The following ITGBL1 variants were observed in gnomAD, a reference collection of about 807,000 sequenced individuals.
ITGBL1 encodes integrin subunit beta like 1.
In ITGBL1, 51 loss-of-function variants were observed where a neutral mutation model predicts 68.5. The observed-to-expected ratio is 0.74, with a 90% CI of 0.59 to 0.94. The LOEUF is 0.94. ITGBL1 is among the 40% of genes least tolerant of loss of function. The probability of loss-of-function intolerance (pLI) is 0.00; values close to 1 mark genes in which losing one functional copy is unlikely to be tolerated. For synonymous variants in ITGBL1, 209 were observed against 227.3 expected, an observed-to-expected ratio of 0.92 and a Z score of 0.72; for missense variants, 649 against 647.4, an observed-to-expected ratio of 1.00 and a Z score of -0.03.
downstream of ITGBL1, chr13:101,717,357 A>G (rs9645866): frequency 1.3e-5 from 2 of 152,014 alleles, no homozygotes; most frequent in Non-Finnish European, 2.9e-5. Context: ...TTGTAGTTCT[A>G]TTATTGAGTA....
chr13:101,489,211 T>C (rs1462259363), intron 2 of ITGBL1, among the ~76,000 whole-genome samples: 1 of 152,154 alleles, frequency 6.6e-6, no homozygotes, highest in Non-Finnish European at 1.5e-5. Flanking sequence ...GTTACCGAAA[T>C]TGTACACAGA....
chr13:101,461,186 T>A (rs2048312809), intron 2 of ITGBL1, among the ~76,000 whole-genome samples: 1 of 152,222 alleles, frequency 6.6e-6, no homozygotes. Context: ...TTTATTTGTA[T>A]TACAAATTTT....
chr13:101,705,292 C>CTAAAAA (rs2034232634), intron 8 of ITGBL1, among the ~76,000 whole-genome samples: 1 of 105,030 alleles, frequency 9.5e-6, no homozygotes, highest in African/African-American at 3.8e-5. Context: ...ATTTAAAAAG[C>CTAAAAA]AAAAAAAAAA....
intron 2 of ITGBL1, among the ~76,000 whole-genome samples, chr13:101,495,759 A>G (rs1026696860): frequency 1.3e-5 from 2 of 152,140 alleles, no homozygotes; most frequent in Non-Finnish European, 1.5e-5. Context: ...AGGGAGGTGT[A>G]TGAGATTTCA....
At chr13:101,588,312 T>TGTGTGTGTGC (rs1433295721) in intron 6 of ITGBL1, among the ~76,000 whole-genome samples, 1 of 151,976 alleles carries the variant, frequency 6.6e-6, no homozygotes, top group Non-Finnish European at 1.5e-5. Context: ...TGTGTGTGTG[T>TGTGTGTGTGC]GTGCATGTGT....
At chr13:101,460,660 AGGTTTATTT>A (rs939904905) in intron 2 of ITGBL1, among the ~76,000 whole-genome samples, 1 of 152,178 alleles carries the variant, frequency 6.6e-6, no homozygotes, top group Non-Finnish European at 1.5e-5. Flanking sequence ...TAAAGGAAAG[AGGTTTATTT>A]GGCTTACAGT....
intron 2 of ITGBL1, among the ~76,000 whole-genome samples, chr13:101,527,469 T>C (rs1359009751): frequency 6.6e-6 from 1 of 152,142 alleles, no homozygotes; most frequent in Non-Finnish European, 1.5e-5. Flanking sequence ...CATTCAACTA[T>C]GGATGGTCAT....
At chr13:101,576,269 C>A (rs1377836400) in intron 4 of ITGBL1, among the ~76,000 whole-genome samples, 1 of 152,078 alleles carries the variant, frequency 6.6e-6, no homozygotes. Flanking sequence ...TGTGTGATGC[C>A]AAAGTCTATG....
chr13:101,545,319 A>T (rs1363935458), intron 2 of ITGBL1, among the ~76,000 whole-genome samples: 1 of 152,230 alleles, frequency 6.6e-6, no homozygotes, highest in Non-Finnish European at 1.5e-5. Flanking sequence ...CACAAGAAGA[A>T]TAGATGCACA....
intron 5 of ITGBL1, among the ~76,000 whole-genome samples, chr13:101,580,195 C>A (rs2050431624): frequency 1.3e-5 from 2 of 151,904 alleles, no homozygotes; most frequent in African/African-American, 4.8e-5. Flanking sequence ...CTAAAAAAAT[C>A]TAGATAGCTG....
chr13:101,687,564 C>A (rs1324903637), intron 7 of ITGBL1, among the ~76,000 whole-genome samples: 2 of 151,992 alleles, frequency 1.3e-5, no homozygotes, highest in Admixed American at 6.6e-5. Context: ...TTGATCGGAA[C>A]TTCTAAAAAT....
At chr13:101,605,816 A>G (rs562759897) in intron 7 of ITGBL1, among the ~76,000 whole-genome samples, 2 of 150,844 alleles carry the variant, frequency 1.3e-5, no homozygotes, top group Non-Finnish European at 3.0e-5. Flanking sequence ...GTAGACATGT[A>G]TGTGCATATG....
chr13:101,462,219 C>T (rs998761512), intron 2 of ITGBL1, among the ~76,000 whole-genome samples: 1 of 152,148 alleles, frequency 6.6e-6, no homozygotes, highest in Admixed American at 6.5e-5. Flanking sequence ...TTACCACCGT[C>T]GGAAAACATA....
chr13:101,454,381 C>T (rs2048210194), intron 2 of ITGBL1, among the ~76,000 whole-genome samples: 1 of 114,244 alleles, frequency 8.8e-6, no homozygotes, highest in Non-Finnish European at 1.7e-5. Flanking sequence ...TGGGATCTTG[C>T]TATGTTGCCC....
At chr13:101,542,487 A>G (rs1043021694) in intron 2 of ITGBL1, among the ~76,000 whole-genome samples, 3 of 152,166 alleles carry the variant, frequency 2.0e-5, no homozygotes, top group African/African-American at 7.2e-5. Flanking sequence ...TATATGGTCA[A>G]TTTTGGAATA....
chr13:101,572,322 C>T (rs1277690380), intron 3 of ITGBL1, among the ~76,000 whole-genome samples: 1 of 151,958 alleles, frequency 6.6e-6, no homozygotes, highest in Non-Finnish European at 1.5e-5. Context: ...GACTGAAGGG[C>T]AGAATGAGGC....
At chr13:101,632,958 G>A (rs1011806921) in intron 7 of ITGBL1, among the ~76,000 whole-genome samples, 4 of 152,158 alleles carry the variant, frequency 2.6e-5, no homozygotes, top group African/African-American at 4.8e-5. Context: ...ATGGGGATCC[G>A]CTGGAGTTTC....
chr13:101,702,408 T>C (rs1271387238), intron 8 of ITGBL1, among the ~76,000 whole-genome samples: 4 of 152,202 alleles, frequency 2.6e-5, no homozygotes, highest in Non-Finnish European at 4.4e-5. Context: ...AATTTAGTTT[T>C]ATATTGCTCT....
chr13:101,487,000 G>T (rs887616486), intron 2 of ITGBL1, among the ~76,000 whole-genome samples: 11 of 152,012 alleles, frequency 7.2e-5, no homozygotes, highest in Non-Finnish European at 1.3e-4. Context: ...CATTCATAAG[G>T]TCAATAATAA....
Sources: gnomAD v4.1 joint callset for allele counts (sites outside exome capture counted in the v4.1 genomes callset) on GRCh38, gnomAD v4.1.1 for gene constraint, MANE v1.5 for transcripts, NCBI Gene and HGNC (gene_info 2026-07-23, HGNC 2026-07-21) for gene names.